The following SYNE1 variants were observed in gnomAD, a reference collection of about 807,000 sequenced individuals.
The protein encoded by SYNE1 is spectrin repeat containing nuclear envelope protein 1.
In SYNE1, 616 loss-of-function variants were observed where a neutral mutation model predicts 1,111.0. The ratio of observed to expected loss-of-function variants is 0.55; its 90% CI spans 0.52 to 0.59. SYNE1 has a LOEUF of 0.59. SYNE1 is among the 20% of genes least tolerant of loss of function. The pLI is 0.00. For missense variants in SYNE1, 10,006 were observed against 10,417.0 expected (o/e 0.96, Z 1.72); for synonymous variants, 3,855 against 3,825.8 (o/e 1.01, Z -0.28).
intron 111 of SYNE1, among the ~76,000 whole-genome samples, 198 bp downstream of exon 111, chr6:152,234,469 AT>A (rs1381830770): frequency 3.9e-5 from 6 of 151,910 alleles, no homozygotes; most frequent in African/African-American, 1.5e-4. Flanking sequence ...TAATATTTGT[AT>A]TTTTAGTAGA....
In SYNE1 at chr6:152,331,621, T is replaced by C. The variant is rs2153974617; in HGVS notation, c.13064A>G (p.Glu4355Gly). ...TTGCTCTTCTGCCCACTCCATTAGC[T>C]CCTGAAATCTGGACTGCACCACATT... ...ELNVVQSRFQ[E>G]LMEWAEEQQP... The change falls in exon 78 of 146, where the codon GAG (glutamate) becomes GGG (glycine). Residue 4355 changes from glutamate to glycine, a missense_variant. Coordinates refer to ENST00000367255, the MANE Select transcript of SYNE1 (RefSeq NM_182961.4). The C allele has an allele frequency of 6.2e-7, 1 of 1,614,080 alleles. No individual in the cohort carries two copies. Among genetic ancestry groups the C allele is most frequent in the Admixed American group, 1.7e-5 (1 of 60,020 alleles).
In SYNE1 at chr6:152,631,272, C is replaced by T. The variant is rs79170714; in HGVS notation, c.-223-2718G>A. On this transcript the variant is annotated intron_variant, in intron 2 of 145. Coordinates refer to ENST00000367255, the MANE Select transcript of SYNE1 (RefSeq NM_182961.4). Reference sequence around the variant, plus strand: ...AAACATACGAAAGACACATCCTGGGCAGGGTGAAGAGCTTGAGCAAAGGCC... The same window carrying T: ...AAACATACGAAAGACACATCCTGGGTAGGGTGAAGAGCTTGAGCAAAGGCC... Among the ~76,000 whole-genome samples the T allele has an allele frequency of 2.0e-3, 301 of 152,160 alleles. 1 individual carries two copies. The highest frequency in any genetic ancestry group is 9.8e-3 in the South Asian group (47 of 4,814).
chr6:152,538,360 C>T lies in SYNE1; in HGVS notation c.129+1600G>A, dbSNP rs77385535. Among the ~76,000 whole-genome samples, 877 of 152,148 alleles carry T rather than the reference C, an allele frequency of 5.8e-3. 17 individuals are homozygous for T. Among genetic ancestry groups the T allele is most frequent in the East Asian group, 0.038 (194 of 5,168 alleles). On this transcript the variant is annotated intron_variant, in intron 4 of 145. Transcript: ENST00000367255. ...GATAAACATGACAAAGTTTATTTAG[C>T]CATTACAATAATTACATAGTTCTAT...
intron 121 of SYNE1, among the ~76,000 whole-genome samples, chr6:152,215,759 T>C (rs2078484300): frequency 6.6e-6 from 1 of 152,218 alleles, no homozygotes. Flanking sequence ...ATGCTGCTAT[T>C]CTCTCTTTAC....
At chr6:152,180,045 G>T (rs1239171523) in intron 129 of SYNE1, 91 bp downstream of exon 129, 6 of 1,336,874 alleles carry the variant, frequency 4.5e-6, no homozygotes, top group Non-Finnish European at 6.4e-6. Context: ...TGACAGGAAA[G>T]TAATTGTGAG....
intron 3 of SYNE1, among the ~76,000 whole-genome samples, chr6:152,607,630 G>GT (rs2099619633): frequency 6.6e-6 from 1 of 152,176 alleles, no homozygotes; most frequent in Non-Finnish European, 1.5e-5. Context: ...AGACAGTGTG[G>GT]TGATTCCTCA....
Position 152,462,803 on chromosome 6 carries a change from T to G in SYNE1, c.2185A>C (p.Lys729Gln). The stretch of plus-strand genomic sequence containing the variant: ...ACTTCTAAGGGTTCAGAAAGTTTCT[T>G]ATGGGCTTCCGTTGCAAAAGCAGAC... The part of the protein sequence containing the change: ...TLSAFATEAH[K>Q]KLSEPLEVSF... Residue 729 changes from lysine to glutamine, a missense_variant, in exon 20 of 146, where the codon AAG (lysine) becomes CAG (glutamine). This residue lies in a region of SYNE1 where 1,971 missense variants were observed against 2,084.1 expected (regional missense o/e 0.95). Coordinates refer to ENST00000367255, the MANE Select transcript of SYNE1 (RefSeq NM_182961.4). 1.2e-6 allele frequency: 2 copies of G among 1,614,078 alleles called. No homozygotes were observed. The highest frequency in any genetic ancestry group is 1.1e-5 in the South Asian group (1 of 91,080).
chr6:152,330,594 CA>C lies in SYNE1; in HGVS notation c.14090del (p.Met4697ArgfsTer37). 6.2e-7 allele frequency: 1 copy of C among 1,613,672 alleles called. No homozygotes were observed. Among genetic ancestry groups the C allele is most frequent in the Non-Finnish European group, 8.5e-7 (1 of 1,180,016 alleles). Reference protein sequence around the residue: ...LSELEAQFLRMSKVPTDLAVE... With the variant: ...LSELEAQFLRXSKVPTDLAVE... The stretch of plus-strand genomic sequence containing the variant: ...CGGCCAGGTCGGTGGGAACTTTGCT[CA>C]TCCTCAAGAATTGGGCTTCAAGTTC... On this transcript the variant is annotated frameshift_variant, in exon 78 of 146. Transcript: ENST00000367255. LOFTEE classifies it high-confidence loss of function.
chr6:152,295,511 C>A (rs1356185605), intron 93 of SYNE1, among the ~76,000 whole-genome samples: 2 of 152,084 alleles, frequency 1.3e-5, no homozygotes, highest in Non-Finnish European at 2.9e-5. Flanking sequence ...CCCTTTCTTG[C>A]CAAGACTCTT....
rs891023316 is a variant in SYNE1, at chr6:152,233,805, T to C, written c.20688A>G (p.Pro6896=). Residue 6896 remains proline, a synonymous_variant, in exon 112 of 146, where the codon CCA becomes CCG. Coordinates refer to ENST00000367255, the MANE Select transcript of SYNE1 (RefSeq NM_182961.4). ...CCTGGTGGAGCTTCTCCTGGACGGC[T>C]GGGATATTGGTTAGCAGGTCAGTCC... The part of the protein sequence containing the change: ...SQWTDLLTNI[P]AVQEKLHQLQ... 1.2e-6 allele frequency: 2 copies of C among 1,614,036 alleles called. No homozygotes were observed. The highest frequency in any genetic ancestry group is 1.7e-6 in the Non-Finnish European group (2 of 1,180,038).
intron 59 of SYNE1, among the ~76,000 whole-genome samples, 188 bp from the exon 60 acceptor site, chr6:152,369,802 A>T (rs2097146869): frequency 6.6e-6 from 1 of 151,710 alleles, no homozygotes; most frequent in African/African-American, 2.4e-5. Context: ...AGGCAACATG[A>T]TGAGACCCCG....
At chr6:152,343,702 G>A (rs2154016148) in intron 74 of SYNE1, among the ~76,000 whole-genome samples, 1 of 151,360 alleles carries the variant, frequency 6.6e-6, no homozygotes, top group African/African-American at 2.4e-5. Flanking sequence ...AGGGTAGCTG[G>A]GATTACAGGT....
Position 152,483,233 on chromosome 6 carries a change from A to T in SYNE1, c.1202T>A (p.Ile401Lys). ...RVTSRLFDWH[I>K]QLDKSLPAPL... is the part of the protein sequence containing the mutation. The stretch of plus-strand genomic sequence containing the variant: ...TGCAGGAAGAGATTTATCAAGCTGT[A>T]TATGCCAGTCAAAGAGCTAAAATTT... The change falls in exon 14 of 146, where the codon ATA becomes AAA. Residue 401 changes from isoleucine (I) to lysine (K), a missense_variant. By Grantham distance (102) the Ile-to-Lys change is moderately radical (BLOSUM62 -3). Coordinates refer to ENST00000367255, the MANE Select transcript of SYNE1 (RefSeq NM_182961.4). 6.2e-7 allele frequency: 1 copy of T among 1,614,198 alleles called. No individual in the cohort carries two copies. Among genetic ancestry groups the T allele is most frequent in the Non-Finnish European group, 8.5e-7 (1 of 1,180,016 alleles).
In SYNE1 at chr6:152,262,287, T is replaced by A. The variant is rs533254056; in HGVS notation, c.18816-99A>T. On this transcript the variant is annotated intron_variant, in intron 100 of 145. Transcript: ENST00000367255. ...ACCAGACCTGGCTTCTCAAATGAAA[T>A]AAGATTACCTTAGTTATTAGCTTAC... The A allele has an allele frequency of 5.8e-5, 63 of 1,093,098 alleles. No individual in the cohort carries two copies. The African/African-American group carries it at 6.5e-4, about 11-fold the overall frequency. The allele number at this position is 1,093,098 out of a possible 1,614,324, so 67.7% of individuals were successfully genotyped here. A position where few individuals can be genotyped will look rare whatever the true frequency, so the allele number is the denominator to read the frequency against.
At chr6:152,604,669 G>A (rs1441516998) in intron 3 of SYNE1, among the ~76,000 whole-genome samples, 1 of 151,906 alleles carries the variant, frequency 6.6e-6, no homozygotes, top group Non-Finnish European at 1.5e-5. Context: ...GCAGGGCACG[G>A]TGGCTCATGC....
chr6:152,367,712 A>G, intron 61 of SYNE1: 1 of 343,068 alleles, frequency 2.9e-6, no homozygotes, highest in South Asian at 2.7e-5. Flanking sequence ...CACATATCAC[A>G]TTAGGCTCAC....
intron 73 of SYNE1, 34 bp downstream of exon 73, chr6:152,347,024 TC>T: frequency 6.2e-7 from 1 of 1,612,550 alleles, no homozygotes. Context: ...TCCCCATAAT[TC>T]CTTGTCACTG....
At chr6:152,628,133 C>T (rs1284121161) in intron 3 of SYNE1, 132 bp downstream of exon 3, 1 of 877,246 alleles carries the variant, frequency 1.1e-6, no homozygotes, top group Non-Finnish European at 1.8e-6. Flanking sequence ...TTTGAAAACA[C>T]TGGAATAAAG....
At chr6:152,369,250 T>G in intron 60 of SYNE1, 123 bp from the exon 61 acceptor site, 3 of 1,393,796 alleles carry the variant, frequency 2.2e-6, no homozygotes, top group Non-Finnish European at 3.0e-6. Context: ...GAGGCTTTAT[T>G]ATCTCCAATC....
Sources: gnomAD v4.1 joint callset for allele counts (sites outside exome capture counted in the v4.1 genomes callset) on GRCh38, gnomAD v4.1.1 for gene constraint, gnomAD v4.1.1 regional missense constraint, MANE v1.5 for transcripts, NCBI Gene and HGNC (gene_info 2026-07-23, HGNC 2026-07-21) for gene names.